The following RGS17 variants were observed in gnomAD, a reference collection of about 807,000 sequenced individuals.
The protein encoded by RGS17 is regulator of G-protein signaling 17.
A neutral mutation model predicts 25.5 loss-of-function variants in RGS17; 12 were observed. The observed-to-expected ratio is 0.47, with a 90% confidence interval of 0.30 to 0.76. The LOEUF (loss-of-function observed/expected upper bound fraction) is 0.76, where lower values mean the gene tolerates loss of function less well. Ranked by LOEUF, RGS17 falls within the 30% of genes least tolerant of loss-of-function variation. The probability of loss-of-function intolerance (pLI) is 0.07; values close to 1 mark genes in which losing one functional copy is unlikely to be tolerated. For synonymous variants in RGS17, 71 were observed against 76.9 expected, an observed-to-expected ratio of 0.92 and a Z score of 0.40; for missense variants, 196 against 242.2, an observed-to-expected ratio of 0.81 and a Z score of 1.27.
intron 1 of RGS17, among the ~76,000 whole-genome samples, chr6:153,068,128 C>T (rs1331892341): frequency 1.3e-5 from 2 of 152,082 alleles, no homozygotes; most frequent in African/African-American, 2.4e-5. Flanking sequence ...AAACTAGATC[C>T]CTATCTTTCA....
At chr6:153,112,067 A>C (rs1777479199) in intron 1 of RGS17, among the ~76,000 whole-genome samples, 1 of 152,130 alleles carries the variant, frequency 6.6e-6, no homozygotes, top group Non-Finnish European at 1.5e-5. Context: ...AGGGAACAAA[A>C]CTGGACGGAG....
chr6:153,012,658 T>A (rs1388542782), intron 4 of RGS17, among the ~76,000 whole-genome samples: 3 of 152,156 alleles, frequency 2.0e-5, no homozygotes, highest in Non-Finnish European at 2.9e-5. Flanking sequence ...ACCCTACAAG[T>A]GGTAAACAAC....
Position 153,054,618 on chromosome 6 carries a change from T to C in RGS17, c.-25-10575A>G, listed in dbSNP as rs368984375. On this transcript the variant is annotated intron_variant, in intron 1 of 4. Transcript: ENST00000206262. ...GTGAGCCGAGATCGCGCCACTGCAC[T>C]CCAGCCTGGGCAACAGTGCATGACT... Among the ~76,000 whole-genome samples the C allele has an allele frequency of 2.0e-4, 31 of 151,530 alleles. 4 individuals are homozygous for C. Among genetic ancestry groups the C allele is most frequent in the Admixed American group, 1.3e-3 (19 of 15,184 alleles).
At chr6:153,099,977 C>T (rs1777275228) in intron 1 of RGS17, among the ~76,000 whole-genome samples, 2 of 152,074 alleles carry the variant, frequency 1.3e-5, no homozygotes, top group Admixed American at 1.3e-4. Context: ...GCTACTAGTT[C>T]CCAAATCAAG....
At chr6:153,083,761 G>A (rs1450172983) in intron 1 of RGS17, among the ~76,000 whole-genome samples, 1 of 152,062 alleles carries the variant, frequency 6.6e-6, no homozygotes, top group Admixed American at 6.6e-5. Flanking sequence ...AATCTGAAAT[G>A]GCAAACTGAA....
rs1217064109 is a variant in RGS17, at chr6:153,130,477, TAC to T, written c.-26+645_-26+646del. 1.7e-5 allele frequency among the ~76,000 whole-genome samples: 2 copies of T among 118,724 alleles called. No individual in the cohort carries two copies. Among genetic ancestry groups the T allele is most frequent in the Non-Finnish European group, 3.5e-5 (2 of 56,988 alleles). 77.9% of individuals were successfully genotyped at this position (118,724 alleles called of 152,430 possible). A position where few individuals can be genotyped will look rare whatever the true frequency, so the allele number is the denominator to read the frequency against. ...AGACCCCCCACCCCCTATACATACATACACATACACACACACACACACACACA... is the reference window on the plus strand; with the variant it reads ...AGACCCCCCACCCCCTATACATACATACATACACACACACACACACACACA... On this transcript the variant is annotated intron_variant, in intron 1 of 4. Transcript: ENST00000206262. This position sits in a 1 kb window ranked among gnomAD's most constrained non-coding sequence, Gnocchi z 6.4.
At chr6:153,024,009 C>T (rs897176694) in intron 4 of RGS17, among the ~76,000 whole-genome samples, 12 of 152,214 alleles carry the variant, frequency 7.9e-5, no homozygotes, top group African/African-American at 2.9e-4. Flanking sequence ...TTTAAGCAGG[C>T]TCCTTAGTGT....
At chr6:153,069,218 A>G (rs1224421228) in intron 1 of RGS17, among the ~76,000 whole-genome samples, 2 of 152,228 alleles carry the variant, frequency 1.3e-5, no homozygotes, top group African/African-American at 2.4e-5. Context: ...GTCCAGCTAC[A>G]GAATGAATAA....
At chr6:153,034,849 A>C (rs1408420984) in intron 2 of RGS17, among the ~76,000 whole-genome samples, 1 of 152,190 alleles carries the variant, frequency 6.6e-6, no homozygotes, top group African/African-American at 2.4e-5. Context: ...CTGTACTTTT[A>C]AATAATCTAT....
chr6:153,087,894 A>G (rs1465206908), intron 1 of RGS17, among the ~76,000 whole-genome samples: 13 of 152,216 alleles, frequency 8.5e-5, no homozygotes, highest in Admixed American at 7.9e-4. Context: ...ACACCAATGT[A>G]TAATCCTCTC....
At chr6:153,050,274 T>G (rs574371416) in intron 1 of RGS17, among the ~76,000 whole-genome samples, 32 of 152,142 alleles carry the variant, frequency 2.1e-4, no homozygotes, top group Admixed American at 5.2e-4. Context: ...TTATATAGTT[T>G]AATTTATTAA....
At chr6:153,071,227 AAC>A (rs1776799502) in intron 1 of RGS17, among the ~76,000 whole-genome samples, 1 of 151,262 alleles carries the variant, frequency 6.6e-6, no homozygotes. Flanking sequence ...CATAGATATA[AAC>A]ACACATACAC....
At chr6:153,068,216 G>A (rs1480053509) in intron 1 of RGS17, among the ~76,000 whole-genome samples, 4 of 152,066 alleles carry the variant, frequency 2.6e-5, no homozygotes, top group Admixed American at 6.5e-5. Flanking sequence ...AGGCCAAGGC[G>A]GGTAGATCAC....
intron 4 of RGS17, among the ~76,000 whole-genome samples, chr6:153,012,565 GA>G (rs1192778281): frequency 1.3e-5 from 2 of 152,144 alleles, no homozygotes; most frequent in African/African-American, 4.8e-5. Flanking sequence ...GTTGGAAAGG[GA>G]AATGGGGAAA....
At chr6:153,091,255 C>T (rs769075833) in intron 1 of RGS17, among the ~76,000 whole-genome samples, 4 of 152,104 alleles carry the variant, frequency 2.6e-5, no homozygotes, top group Non-Finnish European at 5.9e-5. Context: ...TCTAAAGGCA[C>T]AAGTGATTCT....
intron 1 of RGS17, among the ~76,000 whole-genome samples, chr6:153,074,233 C>G (rs989078591): frequency 6.6e-6 from 1 of 152,112 alleles, no homozygotes; most frequent in South Asian, 2.1e-4. Context: ...CAAAACTGAT[C>G]GTGTTTTCTG....
chr6:153,071,513 C>G (rs1776802386), intron 1 of RGS17, among the ~76,000 whole-genome samples: 1 of 151,966 alleles, frequency 6.6e-6, no homozygotes, highest in Non-Finnish European at 1.5e-5. Flanking sequence ...TGGAGCACTA[C>G]TTTTGTCAAA....
chr6:153,056,983 A>G (rs1279845520), intron 1 of RGS17, among the ~76,000 whole-genome samples: 4 of 151,558 alleles, frequency 2.6e-5, no homozygotes, highest in South Asian at 2.1e-4. Flanking sequence ...AAAAATATCT[A>G]TTTTCCCAAG....
intron 1 of RGS17, among the ~76,000 whole-genome samples, chr6:153,051,202 G>A (rs1412578475): frequency 6.6e-6 from 1 of 152,202 alleles, no homozygotes; most frequent in Non-Finnish European, 1.5e-5. Flanking sequence ...GAGAAGTGGA[G>A]TGCTGCTATA....
Sources: allele counts gnomAD v4.1 joint callset (sites outside exome capture counted in the v4.1 genomes callset), GRCh38; gene constraint gnomAD v4.1.1; non-coding constraint Gnocchi (gnomAD v3.1); transcripts MANE v1.5; gene names NCBI Gene and HGNC (gene_info 2026-07-23, HGNC 2026-07-21).